The following TGM4 variants were observed in gnomAD, a reference collection of about 807,000 sequenced individuals.
The protein encoded by TGM4 is transglutaminase 4, also known as protein-glutamine gamma-glutamyltransferase 4.
A neutral mutation model predicts 76.3 loss-of-function variants in TGM4; 61 were observed. That is an observed-to-expected ratio of 0.80 (90% CI 0.65 to 0.99). TGM4 has a LOEUF of 0.99. Among genes scored for constraint, TGM4 ranks in the 50% least tolerant of loss-of-function variants. TGM4 has a pLI of 0.00. For missense variants in TGM4, 794 were observed against 843.2 expected (o/e 0.94, Z 0.72); for synonymous variants, 337 against 329.8 (o/e 1.02, Z -0.24).
intron 13 of TGM4, among the ~76,000 whole-genome samples, chr3:44,912,288 C>T (rs1313424415): frequency 6.6e-6 from 1 of 152,126 alleles, no homozygotes; most frequent in Non-Finnish European, 1.5e-5. Context: ...TCTAGAATTT[C>T]CAGCTTTATT....
intron 1 of TGM4, among the ~76,000 whole-genome samples, chr3:44,878,632 G>A (rs9683370): frequency 0.2 from 30,489 of 151,668 alleles, 3,200 homozygotes; most frequent in Middle Eastern, 0.27. Flanking sequence ...ACAGGCATGC[G>A]CCACATTACC....
chr3:44,911,058 TGTGGAG>T lies in TGM4; in HGVS notation c.1708_1713del (p.Val570_Glu571del). ...TCAGAGGTTTCATCATTGCGGAAATTGTGGAGTCTAAGGAAATCATGGCCTCTGAAG... is the reference window on the plus strand; with the variant it reads ...TCAGAGGTTTCATCATTGCGGAAATTTCTAAGGAAATCATGGCCTCTGAAG... On this transcript the variant is annotated inframe_deletion, in exon 12 of 14. Transcript: ENST00000296125. 6.2e-7 allele frequency: 1 copy of T among 1,614,136 alleles called. No individual in the cohort carries two copies. Among genetic ancestry groups the T allele is most frequent in the Non-Finnish European group, 8.5e-7 (1 of 1,180,018 alleles).
At chr3:44,902,682 A>T (rs911111613) in intron 8 of TGM4, among the ~76,000 whole-genome samples, 3 of 152,220 alleles carry the variant, frequency 2.0e-5, no homozygotes, top group Non-Finnish European at 2.9e-5. Flanking sequence ...GGGAAGGGCC[A>T]GGAGTCTGAA....
intron 1 of TGM4, among the ~76,000 whole-genome samples, chr3:44,879,263 C>CTATATATATATATA (rs1392219843): frequency 2.1e-5 from 2 of 96,270 alleles, no homozygotes; most frequent in African/African-American, 3.8e-5. Context: ...CTCTCTCTCT[C>CTATATATATATATA]TCTATATATA....
chr3:44,879,007 A>G (rs1699490329), intron 1 of TGM4, among the ~76,000 whole-genome samples: 1 of 152,028 alleles, frequency 6.6e-6, no homozygotes, highest in Non-Finnish European at 1.5e-5. Context: ...TCTAGGTTGT[A>G]TTATAGGTAT....
intron 13 of TGM4, among the ~76,000 whole-genome samples, chr3:44,911,899 C>T (rs1288025163): frequency 6.6e-6 from 1 of 152,214 alleles, no homozygotes; most frequent in Non-Finnish European, 1.5e-5. Flanking sequence ...ACGATCTTGG[C>T]TCACTGCAAT....
rs1448602131 is a variant in TGM4 at position 44,879,259 on chromosome 3, CTCTCTCTATATATATA to C, written c.19+4564_19+4579del. On this transcript the variant is annotated intron_variant, in intron 1 of 13. Transcript: ENST00000296125. Reference sequence around the variant, plus strand: ...ATGGTCTCTCTCTCTCTCTCTCTCTCTCTCTCTATATATATATATATATATATAGTTTATTTAATTT... The same window carrying C: ...ATGGTCTCTCTCTCTCTCTCTCTCTCTATATATATATAGTTTATTTAATTT... Among the ~76,000 whole-genome samples the C allele has an allele frequency of 6.8e-3, 692 of 101,700 alleles. 6 individuals carry two copies. The highest frequency in any genetic ancestry group is 0.025 in the Middle Eastern group (5 of 200). 66.7% of individuals were successfully genotyped at this position (101,700 alleles called of 152,430 possible).
At chr3:44,897,214 C>T (rs969789986) in intron 6 of TGM4, among the ~76,000 whole-genome samples, 3 of 151,976 alleles carry the variant, frequency 2.0e-5, no homozygotes, top group African/African-American at 7.3e-5. Context: ...CCATCTTGGC[C>T]AGGCTGGTCT....
intron 6 of TGM4, among the ~76,000 whole-genome samples, chr3:44,900,051 C>A (rs550284375): frequency 6.6e-6 from 1 of 152,232 alleles, no homozygotes; most frequent in East Asian, 1.9e-4. Flanking sequence ...CATGCCTGGG[C>A]ACAGAAATGT....
At chr3:44,902,052 C>G in intron 8 of TGM4, 121 bp downstream of exon 8, 1 of 1,226,884 alleles carries the variant, frequency 8.2e-7, no homozygotes, top group Middle Eastern at 2.4e-4. Flanking sequence ...GTCAAGCAGT[C>G]CTCCTGCCTT....
In TGM4 at chr3:44,874,664, A is replaced by C; in HGVS notation, c.-15A>C. On this transcript the variant is annotated 5_prime_UTR_variant, in exon 1 of 14. Transcript: ENST00000296125. ...ATAGAGTCTTCCCTGGCATTGCAGG[A>C]GAGAATCTGAAGGGATGATGGATGC... 1 of 1,614,200 alleles carries C rather than the reference A, an allele frequency of 6.2e-7. No homozygotes were observed. Among genetic ancestry groups the C allele is most frequent in the East Asian group, 2.2e-5 (1 of 44,892 alleles).
chr3:44,889,319 C>T (rs78106508), intron 3 of TGM4: 2,338 of 152,292 alleles, frequency 0.015, 55 homozygotes, highest in African/African-American at 0.052. Context: ...CTACTTCTGC[C>T]ATCGCCAGCA....
At chr3:44,887,636 T>G in intron 2 of TGM4, 53 bp from the exon 3 acceptor site, 2 of 1,559,208 alleles carry the variant, frequency 1.3e-6, no homozygotes, top group Non-Finnish European at 1.8e-6. Context: ...CAGAGGAGAT[T>G]GTCTTGGGGG....
intron 3 of TGM4, 102 bp from the exon 4 acceptor site, chr3:44,890,501 G>A: frequency 6.6e-7 from 1 of 1,504,782 alleles, no homozygotes; most frequent in Non-Finnish European, 9.0e-7. Flanking sequence ...GGTTCCAGAT[G>A]GGATGAGTTG....
chr3:44,879,273 A>C lies in TGM4; in HGVS notation c.19+4576A>C, dbSNP rs935596009. Among the ~76,000 whole-genome samples, 347 of 139,830 alleles carry C rather than the reference A, an allele frequency of 2.5e-3. 1 individual carries two copies. Among genetic ancestry groups the C allele is most frequent in the South Asian group, 6.3e-3 (29 of 4,578 alleles). 91.7% of individuals were successfully genotyped at this position (139,830 alleles called of 152,430 possible). On this transcript the variant is annotated intron_variant, in intron 1 of 13. Transcript: ENST00000296125. ...TCTCTCTCTCTCTCTCTCTATATATATATATATATATATAGTTTATTTAAT... is the reference window on the plus strand; with the variant it reads ...TCTCTCTCTCTCTCTCTCTATATATCTATATATATATATAGTTTATTTAAT...
Position 44,910,322 on chromosome 3 carries a change from G to A in TGM4, c.1560G>A (p.Met520Ile). The A allele has an allele frequency of 1.2e-6, 2 of 1,614,164 alleles. No individual in the cohort carries two copies. Among genetic ancestry groups the A allele is most frequent in the South Asian group, 2.2e-5 (2 of 91,090 alleles). The change falls in exon 11 of 14, where the codon ATG becomes ATA. Residue 520 changes from methionine to isoleucine, a missense_variant. Physicochemically the swap from Met to Ile is conservative, Grantham distance 10. Transcript: ENST00000296125. ...FELQLYTGKK[M>I]AKLCDLNKTS... ...TACAGTTGTACACTGGCAAGAAGAT[G>A]GCAAAACTGTGTGACCTCAATAAGA...
At chr3:44,886,384 A>G (rs1699608445) in intron 2 of TGM4, among the ~76,000 whole-genome samples, 1 of 152,198 alleles carries the variant, frequency 6.6e-6, no homozygotes, top group South Asian at 2.1e-4. Flanking sequence ...AAGATGGCAT[A>G]CAATAGCACT....
At chr3:44,895,567 TTGAGTCCA>T (rs759408478) in intron 5 of TGM4, among the ~76,000 whole-genome samples, 1 of 152,120 alleles carries the variant, frequency 6.6e-6, no homozygotes, top group Non-Finnish European at 1.5e-5. Context: ...GGTGGATCAC[TTGAGTCCA>T]GAAGGCTAAG....
At chr3:44,904,971 T>G in intron 9 of TGM4, among the ~76,000 whole-genome samples, 1 of 151,382 alleles carries the variant, frequency 6.6e-6, no homozygotes, top group East Asian at 1.9e-4. Flanking sequence ...CATGAGCCAC[T>G]GTGCCTGGCC....
Sources: allele counts gnomAD v4.1 joint callset (sites outside exome capture counted in the v4.1 genomes callset), GRCh38; gene constraint gnomAD v4.1.1; transcripts MANE v1.5; gene names NCBI Gene and HGNC (gene_info 2026-07-23, HGNC 2026-07-21).